The following COPS2 variants were observed in gnomAD, a reference collection of about 807,000 sequenced individuals.
COPS2 encodes COP9 signalosome complex subunit 2.
Under a neutral mutation model 66.1 loss-of-function variants are expected in COPS2, and 10 were observed. That is an observed-to-expected ratio of 0.15 (90% CI 0.09 to 0.26). The LOEUF (loss-of-function observed/expected upper bound fraction) is 0.26. Ranked by LOEUF, COPS2 falls within the 10% of genes least tolerant of loss-of-function variation. The pLI is 1.00. For synonymous variants in COPS2, 179 were observed against 171.3 expected, an observed-to-expected ratio of 1.04 and a Z score of -0.35; for missense variants, 215 against 513.3, an observed-to-expected ratio of 0.42 and a Z score of 5.62.
chr15:49,147,215 C>T (rs1566885992), intron 1 of COPS2, among the ~76,000 whole-genome samples: 3 of 152,120 alleles, frequency 2.0e-5, no homozygotes, highest in Non-Finnish European at 4.4e-5. Flanking sequence ...AAAAACTTCA[C>T]TTAACAGTGT....
intron 3 of COPS2, among the ~76,000 whole-genome samples, chr15:49,142,392 C>T (rs1347459720): frequency 6.6e-6 from 1 of 152,032 alleles, no homozygotes; most frequent in African/African-American, 2.4e-5. Flanking sequence ...ATAAACCATA[C>T]CAGAGTGACA....
chr15:49,132,051 A>T (rs2084213404), intron 9 of COPS2, among the ~76,000 whole-genome samples: 1 of 152,200 alleles, frequency 6.6e-6, no homozygotes, highest in Admixed American at 6.5e-5. Flanking sequence ...GTACTTAGCC[A>T]ATTTAATTTA....
In COPS2 at chr15:49,152,309, AAAAC is replaced by A. The variant is rs145031596; in HGVS notation, c.54+3212_54+3215del. On this transcript the variant is annotated intron_variant, in intron 1 of 12. Coordinates refer to ENST00000388901, the MANE Select transcript of COPS2 (RefSeq NM_004236.4). ...TTAAATATATGATTTAAGGAAATGA[AAAAC>A]AAATTACTAAATAAGTTTTATGCCA... is the stretch of plus-strand genomic sequence containing the variant. Among the ~76,000 whole-genome samples, 438 of 152,146 alleles carry A rather than the reference AAAAC, an allele frequency of 2.9e-3. 1 individual carries two copies. Among genetic ancestry groups the A allele is most frequent in the African/African-American group, 0.01 (423 of 41,506 alleles).
At chr15:49,152,810 G>C (rs144026831) in intron 1 of COPS2, among the ~76,000 whole-genome samples, 1 of 151,960 alleles carries the variant, frequency 6.6e-6, no homozygotes, top group African/African-American at 2.4e-5. Flanking sequence ...GCAACAGAGT[G>C]AGACTCTGTT....
Position 49,125,106 on chromosome 15 carries a change from A to G in COPS2, c.*2844T>C, listed in dbSNP as rs903123419. On this transcript the variant is annotated 3_prime_UTR_variant, in exon 13 of 13. Transcript: ENST00000388901. ...AAACCTAAGTCTTACATAAGGTAACAAACACTACCACCCACAGTATAGCTC... is the reference window on the plus strand; with the variant it reads ...AAACCTAAGTCTTACATAAGGTAACGAACACTACCACCCACAGTATAGCTC... 1.3e-5 allele frequency: 2 copies of G among 152,210 alleles called. No individual in the cohort carries two copies. The highest frequency in any genetic ancestry group is 4.8e-5 in the African/African-American group (2 of 41,466). The allele number at this position is 152,210 out of a possible 1,614,324, so 9.4% of individuals were successfully genotyped here. A position where few individuals can be genotyped will look rare whatever the true frequency, so the allele number is the denominator to read the frequency against.
intron 9 of COPS2, among the ~76,000 whole-genome samples, chr15:49,132,431 C>T (rs1160959406): frequency 6.6e-6 from 1 of 150,810 alleles, no homozygotes; most frequent in Non-Finnish European, 1.5e-5. Flanking sequence ...ACTTTAATAT[C>T]ATGAAATAAG....
chr15:49,134,331 C>CA lies in COPS2; in HGVS notation c.715+8dup. ...ATGCCACTGCCCACCCTCTCCAAAC[C>CA]AAACTTGCCTCTGATAACTCCCATA... is the stretch of plus-strand genomic sequence containing the variant. On this transcript the variant is annotated intron_variant, in intron 7 of 12. Coordinates refer to ENST00000388901, the MANE Select transcript of COPS2 (RefSeq NM_004236.4). 1.2e-6 allele frequency: 2 copies of CA among 1,611,212 alleles called. No individual in the cohort carries two copies. Among genetic ancestry groups the CA allele is most frequent in the Non-Finnish European group, 1.7e-6 (2 of 1,178,936 alleles).
chr15:49,155,328 C>T (rs2084416360), intron 1 of COPS2, among the ~76,000 whole-genome samples, 197 bp downstream of exon 1: 1 of 152,214 alleles, frequency 6.6e-6, no homozygotes. Context: ...GCCTCCTTTG[C>T]CCTCCCTTCC....
chr15:49,131,037 T>C (rs1341139680), intron 9 of COPS2, among the ~76,000 whole-genome samples: 1 of 152,176 alleles, frequency 6.6e-6, no homozygotes, highest in African/African-American at 2.4e-5. Context: ...AAAGATTAAA[T>C]AAATCTTCTT....
In COPS2 at chr15:49,133,280, G is replaced by A. The variant is rs112328402; in HGVS notation, c.947+479C>T. 5.7e-3 allele frequency among the ~76,000 whole-genome samples: 866 copies of A among 152,224 alleles called. 4 individuals are homozygous for A. Among genetic ancestry groups the A allele is most frequent in the Middle Eastern group, 0.02 (6 of 294 alleles). On this transcript the variant is annotated intron_variant, in intron 9 of 12. Coordinates refer to ENST00000388901, the MANE Select transcript of COPS2 (RefSeq NM_004236.4). ...TGGGATGACAGGCGTGAGCCACCAC[G>A]CCCAGCCTATCCATTGTAAACATTT...
At chr15:49,147,208 AACTTC>A (rs896867258) in intron 1 of COPS2, among the ~76,000 whole-genome samples, 13 of 152,280 alleles carry the variant, frequency 8.5e-5, no homozygotes, top group African/African-American at 2.4e-4. Context: ...CTAAAATAAA[AACTTC>A]ACTTAACAGT....
In COPS2 at chr15:49,141,556, T is replaced by C. The variant is rs78395754; in HGVS notation, c.247-1903A>G. On this transcript the variant is annotated intron_variant, in intron 3 of 12. Coordinates refer to ENST00000388901, the MANE Select transcript of COPS2 (RefSeq NM_004236.4). ...ATTTATCTCATGTTATAATAATTTA[T>C]AGCTCATTTAAAAAACAATTACATT... Among the ~76,000 whole-genome samples the C allele has an allele frequency of 7.9e-3, 1,196 of 152,282 alleles. 16 individuals are homozygous for C. Among genetic ancestry groups the C allele is most frequent in the African/African-American group, 0.017 (727 of 41,560 alleles).
intron 1 of COPS2, among the ~76,000 whole-genome samples, chr15:49,152,502 G>A (rs888182734): frequency 6.6e-6 from 1 of 152,098 alleles, no homozygotes; most frequent in African/African-American, 2.4e-5. Flanking sequence ...ATGTGGTAGT[G>A]CAAAATCTTA....
At chr15:49,154,059 T>A (rs2084385012) in intron 1 of COPS2, among the ~76,000 whole-genome samples, 1 of 152,056 alleles carries the variant, frequency 6.6e-6, no homozygotes, top group Non-Finnish European at 1.5e-5. Context: ...GACACAGAAA[T>A]GATAAAAACA....
At chr15:49,138,171 C>T (rs1360668950) in intron 4 of COPS2, among the ~76,000 whole-genome samples, 4 of 152,164 alleles carry the variant, frequency 2.6e-5, no homozygotes, top group African/African-American at 9.6e-5. Context: ...CATTTTTTCA[C>T]GGAAATCATT....
At chr15:49,132,363 T>C (rs2084217097) in intron 9 of COPS2, among the ~76,000 whole-genome samples, 1 of 151,858 alleles carries the variant, frequency 6.6e-6, no homozygotes, top group Non-Finnish European at 1.5e-5. Context: ...GCTTTTTTTT[T>C]TACAGCCAAA....
At chr15:49,152,290 A>G (rs2084368423) in intron 1 of COPS2, among the ~76,000 whole-genome samples, 1 of 151,658 alleles carries the variant, frequency 6.6e-6, no homozygotes, top group South Asian at 2.1e-4. Flanking sequence ...TTTTTTAAAT[A>G]TATGATTTAA....
chr15:49,134,190 A>C, intron 7 of COPS2, 82 bp from the exon 8 acceptor site: 1 of 1,426,654 alleles, frequency 7.0e-7, no homozygotes, highest in South Asian at 1.3e-5. Context: ...TGCCAAATGA[A>C]AACTATTTCA....
chr15:49,144,521 C>T (rs1298318860), intron 2 of COPS2, among the ~76,000 whole-genome samples: 1 of 151,366 alleles, frequency 6.6e-6, no homozygotes, highest in African/African-American at 2.4e-5. Flanking sequence ...CCTTCATCAG[C>T]AAAATAAAGA....
Sources: gnomAD v4.1 joint callset for allele counts (sites outside exome capture counted in the v4.1 genomes callset) on GRCh38, gnomAD v4.1.1 for gene constraint, MANE v1.5 for transcripts, NCBI Gene and HGNC (gene_info 2026-07-23, HGNC 2026-07-21) for gene names.